HHIP: variants seen among roughly 807,000 people sequenced by gnomAD.
The protein encoded by HHIP is hedgehog interacting protein.
Under a neutral mutation model 74.0 loss-of-function variants are expected in HHIP, and 12 were observed. The ratio of observed to expected loss-of-function variants is 0.16; its 90% CI spans 0.10 to 0.26. The LOEUF is 0.26. Among genes scored for constraint, HHIP ranks in the 10% least tolerant of loss-of-function variants. The pLI is 1.00. For synonymous variants in HHIP, 309 were observed against 311.6 expected, an observed-to-expected ratio of 0.99 and a Z score of 0.09; for missense variants, 788 against 845.0, an observed-to-expected ratio of 0.93 and a Z score of 0.84.
chr4:144,742,628 G>C lies in HHIP; in HGVS notation c.*4671G>C, dbSNP rs1324515839. On this transcript the variant is annotated 3_prime_UTR_variant, in exon 13 of 13. Coordinates refer to ENST00000296575, the MANE Select transcript of HHIP (RefSeq NM_022475.3). ...GAGATTTGAAGTTGCAGAGGACTCAGACCAAAGTCCCATGGCAGAAAATGT... is the reference window on the plus strand; with the variant it reads ...GAGATTTGAAGTTGCAGAGGACTCACACCAAAGTCCCATGGCAGAAAATGT... 2.6e-5 allele frequency: 4 copies of C among 151,608 alleles called. No individual in the cohort carries two copies. Among genetic ancestry groups the C allele is most frequent in the Non-Finnish European group, 2.9e-5 (2 of 67,886 alleles). The allele number at this position is 151,608 out of a possible 1,614,324, so 9.4% of individuals were successfully genotyped here.
At chr4:144,658,986 C>A in intron 3 of HHIP, 40 bp downstream of exon 3, 1 of 1,519,262 alleles carries the variant, frequency 6.6e-7, no homozygotes, top group Non-Finnish European at 9.0e-7. Context: ...TTTAAAAAAA[C>A]CCAACTGACA....
chr4:144,714,391 A>G (rs1730391890), intron 9 of HHIP, 43 bp downstream of exon 9: 3 of 1,595,968 alleles, frequency 1.9e-6, no homozygotes, highest in Non-Finnish European at 2.6e-6. Flanking sequence ...ACCAAATGAC[A>G]TATCCATTAA....
rs1481842931 is a variant in HHIP, at chr4:144,738,455, C to A, written c.*498C>A. 5.1e-6 allele frequency: 5 copies of A among 978,344 alleles called. No individual in the cohort carries two copies. The highest frequency in any genetic ancestry group is 5.2e-4 in the Middle Eastern group (1 of 1,928). The allele number at this position is 978,344 out of a possible 1,614,324, so 60.6% of individuals were successfully genotyped here. On this transcript the variant is annotated 3_prime_UTR_variant, in exon 13 of 13. Coordinates refer to ENST00000296575, the MANE Select transcript of HHIP (RefSeq NM_022475.3). ...ACTCCCTGATGAATTTCTAAGTGAG[C>A]AACTTGATATAAAATTGTAATCTTC...
At position 144,739,333 on chromosome 4, in the gene HHIP, C is replaced by T. The variant is rs1245922352; in HGVS notation, c.*1376C>T. ...GCCTCTTTGCACTAGTGAAAAAACA[C>T]GTCTACTCATGACAAGTGCACACCC... On this transcript the variant is annotated 3_prime_UTR_variant, in exon 13 of 13. Coordinates refer to ENST00000296575, the MANE Select transcript of HHIP (RefSeq NM_022475.3). 11 of 152,180 alleles carry T rather than the reference C, an allele frequency of 7.2e-5. No homozygotes were observed. Among genetic ancestry groups the T allele is most frequent in the African/African-American group, 2.2e-4 (9 of 41,448 alleles). 9.4% of individuals were successfully genotyped at this position (152,180 alleles called of 1,614,324 possible).
At chr4:144,670,173 G>A (rs1305004996) in intron 4 of HHIP, among the ~76,000 whole-genome samples, 4 of 142,804 alleles carry the variant, frequency 2.8e-5, no homozygotes, top group African/African-American at 1.1e-4. Flanking sequence ...GTCCCCCGCA[G>A]TAATTGGTCC....
rs1480092013 is a variant in HHIP, at chr4:144,743,688, T to G, written c.*5731T>G. On this transcript the variant is annotated 3_prime_UTR_variant, in exon 13 of 13. Coordinates refer to ENST00000296575, the MANE Select transcript of HHIP (RefSeq NM_022475.3). The stretch of plus-strand genomic sequence containing the variant: ...TGTTTGATGAGTTATCTCAATTGAC[T>G]ATAATCTTCTAAGTCAAAAAGAAAA... The G allele has an allele frequency of 6.6e-6, 1 of 152,090 alleles. No individual in the cohort carries two copies. The highest frequency in any genetic ancestry group is 1.5e-5 in the Non-Finnish European group (1 of 67,956). 9.4% of individuals were successfully genotyped at this position (152,090 alleles called of 1,614,324 possible).
At position 144,655,752 on chromosome 4, in the gene HHIP, A is replaced by ACT. The variant is rs199898383; in HGVS notation, c.472+2956_472+2957dup. ...AAGTCTTACTCATGAAGAGTCAGTA[A>ACT]CTTTTTTTTCCTTATCATGATGAGC... On this transcript the variant is annotated intron_variant, in intron 2 of 12. Transcript: ENST00000296575. Among the ~76,000 whole-genome samples the ACT allele has an allele frequency of 3.1e-5, 3 of 97,466 alleles. No individual in the cohort carries two copies. In the East Asian group the frequency reaches 7.9e-4, roughly 26 times the overall value. The allele number at this position is 97,466 out of a possible 152,430, so 63.9% of individuals were successfully genotyped here.
intron 10 of HHIP, chr4:144,715,719 T>A (rs965015785): frequency 4.1e-5 from 8 of 194,666 alleles, no homozygotes; most frequent in African/African-American, 1.9e-4. Context: ...GATAATTTTT[T>A]AAATGTTTAA....
At chr4:144,674,935 G>C (rs1729133722) in intron 4 of HHIP, among the ~76,000 whole-genome samples, 2 of 152,060 alleles carry the variant, frequency 1.3e-5, no homozygotes, top group South Asian at 4.1e-4. Context: ...TGCCTGTAGG[G>C]GGATGACCTT....
At chr4:144,735,756 GTCC>G (rs1171268796) in intron 12 of HHIP, among the ~76,000 whole-genome samples, 2 of 151,950 alleles carry the variant, frequency 1.3e-5, no homozygotes, top group Admixed American at 6.6e-5. Context: ...CTTTTTGTTT[GTCC>G]TCAAGATGTA....
intron 3 of HHIP, 144 bp from the exon 4 acceptor site, chr4:144,659,493 T>C (rs1728643970): frequency 2.0e-6 from 1 of 494,350 alleles, no homozygotes; most frequent in East Asian, 3.1e-5. Context: ...AAAAGAATTA[T>C]ATTGTGACCC....
At chr4:144,696,767 T>G (rs1729830211) in intron 4 of HHIP, among the ~76,000 whole-genome samples, 1 of 151,980 alleles carries the variant, frequency 6.6e-6, no homozygotes, top group Non-Finnish European at 1.5e-5. Flanking sequence ...CTATAAAGTT[T>G]AAACAGAATA....
Position 144,715,280 on chromosome 4 carries a change from A to G in HHIP, c.1548-20A>G, listed in dbSNP as rs1730414123. ...AAAAGTGTGTATTCATTGTAGCTTT[A>G]TGGTATGTTTCTGTTGTAGGAATTT... On this transcript the variant is annotated intron_variant, in intron 9 of 12. Coordinates refer to ENST00000296575, the MANE Select transcript of HHIP (RefSeq NM_022475.3). The G allele has an allele frequency of 6.2e-7, 1 of 1,602,234 alleles. No individual in the cohort carries two copies. The highest frequency in any genetic ancestry group is 8.5e-7 in the Non-Finnish European group (1 of 1,172,362).
chr4:144,667,970 G>A (rs1001736113), intron 4 of HHIP, among the ~76,000 whole-genome samples: 5 of 152,008 alleles, frequency 3.3e-5, no homozygotes, highest in African/African-American at 1.2e-4. Context: ...AACATGAAAT[G>A]GATGTTACAG....
Position 144,742,886 on chromosome 4 carries a change from CTTATATATATATCTT to C in HHIP, c.*4932_*4946del, listed in dbSNP as rs1731291562. On this transcript the variant is annotated 3_prime_UTR_variant, in exon 13 of 13. Transcript: ENST00000296575. ...TATATATATATCTTTTTATATATATCTTATATATATATCTTTTTATATATATCTTATATATATATC... is the reference window on the plus strand; with the variant it reads ...TATATATATATCTTTTTATATATATCTTTATATATATCTTATATATATATC... 1.0e-4 allele frequency: 1 copy of C among 9,652 alleles called. No homozygotes were observed. 0.6% of individuals were successfully genotyped at this position (9,652 alleles called of 1,614,324 possible). A position where few individuals can be genotyped will look rare whatever the true frequency, so the allele number is the denominator to read the frequency against.
At chr4:144,687,165 T>G (rs545521636) in intron 4 of HHIP, among the ~76,000 whole-genome samples, 1 of 152,364 alleles carries the variant, frequency 6.6e-6, no homozygotes, top group East Asian at 1.9e-4. Context: ...TTTATCTGTC[T>G]AGGTGTCAGC....
chr4:144,694,094 A>G (rs1729750586), intron 4 of HHIP, among the ~76,000 whole-genome samples: 1 of 151,986 alleles, frequency 6.6e-6, no homozygotes, highest in African/African-American at 2.4e-5. Flanking sequence ...ATAGTACTTA[A>G]TAAAAATATC....
rs148852969 is a variant in HHIP at position 144,706,281 on chromosome 4, G to T, written c.832-250G>T. Among the ~76,000 whole-genome samples, 18 of 152,264 alleles carry T rather than the reference G, an allele frequency of 1.2e-4. No individual in the cohort carries two copies. In the East Asian group the frequency reaches 3.3e-3, roughly 28 times the overall value. ...CCAAGATTACATACACAAATCACTT[G>T]ACAAAAGTGGTGTAAGACTCTTGTA... On this transcript the variant is annotated intron_variant, in intron 4 of 12. Coordinates refer to ENST00000296575, the MANE Select transcript of HHIP (RefSeq NM_022475.3).
At chr4:144,674,354 T>G (rs1300216505) in intron 4 of HHIP, among the ~76,000 whole-genome samples, 2 of 152,224 alleles carry the variant, frequency 1.3e-5, no homozygotes, top group Non-Finnish European at 2.9e-5. Flanking sequence ...CAATATCTTA[T>G]GTCAAAAAAT....
Sources: gnomAD v4.1 joint callset for allele counts (sites outside exome capture counted in the v4.1 genomes callset) on GRCh38, gnomAD v4.1.1 for gene constraint, MANE v1.5 for transcripts, NCBI Gene and HGNC (gene_info 2026-07-23, HGNC 2026-07-21) for gene names.